The following RPF2 variants were observed in gnomAD, a reference collection of about 807,000 sequenced individuals.
The protein encoded by RPF2 is ribosome production factor 2 homolog.
A neutral mutation model predicts 38.9 loss-of-function variants in RPF2; 21 were observed. That is an observed-to-expected ratio of 0.54 (90% CI 0.38 to 0.78). The LOEUF is 0.78. RPF2 is among the 30% of genes least tolerant of loss of function. The pLI is 0.00. For missense variants in RPF2, 314 were observed against 358.1 expected (o/e 0.88, Z 0.99); for synonymous variants, 121 against 126.2 (o/e 0.96, Z 0.28).
intron 1 of RPF2, 95 bp downstream of exon 1, chr6:110,982,224 C>T: frequency 7.2e-7 from 1 of 1,398,552 alleles, no homozygotes; most frequent in Non-Finnish European, 1.0e-6. Context: ...TTCCTGGTTA[C>T]CCCTCTAATT....
intron 4 of RPF2, 50 bp from the exon 5 acceptor site, chr6:110,997,133 A>C (rs1350732893): frequency 1.7e-6 from 2 of 1,190,224 alleles, no homozygotes; most frequent in African/African-American, 3.0e-5. Flanking sequence ...AAGATTCTTA[A>C]AGTTCTTAAA....
chr6:111,008,161 C>G, intron 7 of RPF2, 24 bp downstream of exon 7: 1 of 1,574,534 alleles, frequency 6.4e-7, no homozygotes, highest in Non-Finnish European at 8.6e-7. Flanking sequence ...TATTTATTAT[C>G]TTCAGGGTAG....
intron 1 of RPF2, among the ~76,000 whole-genome samples, chr6:110,984,786 G>T (rs1771495165): frequency 6.6e-6 from 1 of 151,894 alleles, no homozygotes; most frequent in Admixed American, 6.6e-5. Context: ...GTTGCAGTGA[G>T]CCAAGATTGT....
intron 8 of RPF2, among the ~76,000 whole-genome samples, chr6:111,017,756 A>C (rs894435445): frequency 6.8e-6 from 1 of 147,670 alleles, no homozygotes; most frequent in Non-Finnish European, 1.5e-5. Context: ...GGGGCTCCTC[A>C]CATCCCAGAC....
In RPF2 at chr6:111,027,961, T is replaced by G. The variant is rs1011477022; in HGVS notation, c.*2379T>G. 1 of 152,200 alleles carries G rather than the reference T, an allele frequency of 6.6e-6. No homozygotes were observed. Among genetic ancestry groups the G allele is most frequent in the Admixed American group, 6.5e-5 (1 of 15,282 alleles). 9.4% of individuals were successfully genotyped at this position (152,200 alleles called of 1,614,324 possible). On this transcript the variant is annotated 3_prime_UTR_variant, in exon 10 of 10. Transcript: ENST00000441448. ...AATACAACACACATAAATTGGAGAC[T>G]ATGTATTCATTTCAATGGAGGTGGT... is the stretch of plus-strand genomic sequence containing the variant.
At chr6:111,002,113 C>T (rs1771820557) in intron 6 of RPF2, among the ~76,000 whole-genome samples, 1 of 152,090 alleles carries the variant, frequency 6.6e-6, no homozygotes, top group Non-Finnish European at 1.5e-5. Context: ...AGCCCCATCT[C>T]TACTAAAAAT....
rs954404360 is a variant in RPF2, at chr6:111,027,467, TGGACGCATA to T, written c.*1887_*1895del. On this transcript the variant is annotated 3_prime_UTR_variant, in exon 10 of 10. Transcript: ENST00000441448. The stretch of plus-strand genomic sequence containing the variant: ...GCCATGAAAAGAACATCAGGAGTGA[TGGACGCATA>T]GTCCTTCCCCAAAGCCTCGCTCATC... The T allele has an allele frequency of 1.2e-4, 19 of 152,144 alleles. No individual in the cohort carries two copies. The highest frequency in any genetic ancestry group is 2.1e-4 in the South Asian group (1 of 4,828). 9.4% of individuals were successfully genotyped at this position (152,144 alleles called of 1,614,324 possible). A position where few individuals can be genotyped will look rare whatever the true frequency, so the allele number is the denominator to read the frequency against.
chr6:111,024,282 G>A lies in RPF2; in HGVS notation c.696G>A (p.Ser232=), dbSNP rs375691170. 9.2e-5 allele frequency: 149 copies of A among 1,612,082 alleles called. 1 individual carries two copies. Among genetic ancestry groups the A allele is most frequent in the Middle Eastern group, 2.1e-4 (1 of 4,734 alleles). ...DLVLRRTHLA[S]DDLYKLSMKM... The stretch of plus-strand genomic sequence containing the variant: ...TTCTGAGGAGGACACACCTGGCATC[G>A]GATGACCTTTATAAATTATCTATGA... The change falls in exon 9 of 10, where the codon TCG becomes TCA. Residue 232 remains serine (S), a synonymous_variant. Coordinates refer to ENST00000441448, the MANE Select transcript of RPF2 (RefSeq NM_032194.3).
chr6:111,006,548 T>C (rs1771911364), intron 6 of RPF2, among the ~76,000 whole-genome samples: 1 of 152,140 alleles, frequency 6.6e-6, no homozygotes, highest in Non-Finnish European at 1.5e-5. Context: ...ATAGCCTTCA[T>C]TTTAAAATAC....
chr6:111,008,161 C>T, intron 7 of RPF2, 24 bp downstream of exon 7: 1 of 1,574,534 alleles, frequency 6.4e-7, no homozygotes, highest in Non-Finnish European at 8.6e-7. Context: ...TATTTATTAT[C>T]TTCAGGGTAG....
intron 4 of RPF2, among the ~76,000 whole-genome samples, 199 bp from the exon 5 acceptor site, chr6:110,996,984 T>A (rs1771722303): frequency 6.6e-6 from 1 of 152,122 alleles, no homozygotes; most frequent in Admixed American, 6.6e-5. Flanking sequence ...GTATTTTTAG[T>A]AGAGATACGG....
At chr6:111,024,372 C>T in intron 9 of RPF2, 45 bp downstream of exon 9, 2 of 1,531,440 alleles carry the variant, frequency 1.3e-6, no homozygotes, top group Non-Finnish European at 1.8e-6. Flanking sequence ...GTATTTTCTA[C>T]TTTAATCCTT....
intron 9 of RPF2, 100 bp from the exon 10 acceptor site, chr6:111,025,303 A>C (rs956600788): frequency 1.4e-6 from 1 of 728,174 alleles, no homozygotes; most frequent in Non-Finnish European, 2.3e-6. Context: ...AGGGGCAGGC[A>C]CTAATGGAAA....
At chr6:110,983,493 G>A (rs755040918) in intron 1 of RPF2, among the ~76,000 whole-genome samples, 4 of 151,952 alleles carry the variant, frequency 2.6e-5, no homozygotes, top group Non-Finnish European at 4.4e-5. Context: ...GACTATAGGC[G>A]CACACCACCA....
At chr6:110,982,590 G>C (rs1771451485) in intron 1 of RPF2, 1 of 163,240 alleles carries the variant, frequency 6.1e-6, no homozygotes, top group East Asian at 1.8e-4. Flanking sequence ...GGTTAGTTTC[G>C]AGAATGTATG....
intron 2 of RPF2, among the ~76,000 whole-genome samples, chr6:110,985,560 T>C (rs1771509825): frequency 6.6e-6 from 1 of 152,128 alleles, no homozygotes; most frequent in Non-Finnish European, 1.5e-5. Flanking sequence ...GTTCTTTCAG[T>C]GAGCTTAGAG....
In RPF2 at chr6:110,997,178, T is replaced by C. The variant is rs200877242; in HGVS notation, c.235-5T>C. On this transcript the variant is annotated splice_polypyrimidine_tract_variant and splice_region_variant and intron_variant, in intron 4 of 9. Coordinates refer to ENST00000441448, the MANE Select transcript of RPF2 (RefSeq NM_032194.3). ...GGACTAAATGGGATTTATTTGGTTT[T>C]ATAGGAATTCTTTTCAAAGAAGTCA... 1.5e-5 allele frequency: 24 copies of C among 1,552,902 alleles called. No individual in the cohort carries two copies. The African/African-American group carries it at 2.7e-4, about 18-fold the overall frequency.
At chr6:111,008,159 A>T (rs1451584018) in intron 7 of RPF2, 22 bp downstream of exon 7, 6 of 1,585,870 alleles carry the variant, frequency 3.8e-6, no homozygotes, top group Non-Finnish European at 5.1e-6. Flanking sequence ...AGTATTTATT[A>T]TCTTCAGGGT....
At chr6:110,986,858 C>A (rs13201058) in intron 2 of RPF2, among the ~76,000 whole-genome samples, 37,401 of 151,016 alleles carry the variant, frequency 0.25, 5,329 homozygotes, top group East Asian at 0.65. Flanking sequence ...AGGCTGAGGC[C>A]GGAAAATCTG....
Sources: allele counts gnomAD v4.1 joint callset (sites outside exome capture counted in the v4.1 genomes callset), GRCh38; gene constraint gnomAD v4.1.1; transcripts MANE v1.5; gene names NCBI Gene and HGNC (gene_info 2026-07-23, HGNC 2026-07-21).